Variants in PIGL observed in about 807,000 individuals in gnomAD.
PIGL encodes phosphatidylinositol glycan anchor biosynthesis class L, also known as N-acetylglucosaminyl-phosphatidylinositol de-N-acetylase.
Under a neutral mutation model 31.1 loss-of-function variants are expected in PIGL, and 22 were observed. The observed-to-expected ratio is 0.71, with a 90% confidence interval of 0.51 to 1.01. The LOEUF is 1.01. Ranked by LOEUF, PIGL falls within the 50% of genes least tolerant of loss-of-function variation. The pLI, the probability that PIGL is intolerant of heterozygous loss-of-function variation, is 0.00. For synonymous variants in PIGL, 131 were observed against 117.4 expected (o/e 1.12, Z -0.75); for missense variants, 302 against 315.9 (o/e 0.96, Z 0.33).
At chr17:16,219,602 C>T (rs1262429105) in intron 1 of PIGL, among the ~76,000 whole-genome samples, 4 of 151,110 alleles carry the variant, frequency 2.6e-5, no homozygotes, top group African/African-American at 9.7e-5. Flanking sequence ...GAGTCTCACT[C>T]TGTCACCCAG....
intron 2 of PIGL, among the ~76,000 whole-genome samples, chr17:16,256,739 C>A (rs1261625289): frequency 6.6e-6 from 1 of 151,914 alleles, no homozygotes; most frequent in African/African-American, 2.4e-5. Flanking sequence ...ATCACTCTGT[C>A]ACTGGAGTGC....
intron 6 of PIGL, among the ~76,000 whole-genome samples, chr17:16,319,404 G>T (rs1385542024): frequency 6.6e-6 from 1 of 152,022 alleles, no homozygotes; most frequent in Non-Finnish European, 1.5e-5. Flanking sequence ...TATACATGGA[G>T]CGATGCTCCC....
At chr17:16,271,584 T>C (rs1052201324) in intron 2 of PIGL, among the ~76,000 whole-genome samples, 1 of 151,542 alleles carries the variant, frequency 6.6e-6, no homozygotes. Flanking sequence ...CATGCTGGAG[T>C]GCAGTGGTGC....
intron 2 of PIGL, among the ~76,000 whole-genome samples, chr17:16,242,485 G>T (rs1449530119): frequency 6.6e-6 from 1 of 151,782 alleles, no homozygotes; most frequent in Admixed American, 6.6e-5. Context: ...TAGCTTTATT[G>T]ATTTTTTAAT....
intron 2 of PIGL, among the ~76,000 whole-genome samples, chr17:16,298,772 A>C (rs1339150918): frequency 6.6e-6 from 1 of 152,246 alleles, no homozygotes; most frequent in African/African-American, 2.4e-5. Flanking sequence ...TCACGCCTGT[A>C]ATCCCAGCAC....
At chr17:16,301,357 C>T (rs950754591) in intron 3 of PIGL, among the ~76,000 whole-genome samples, 16 of 151,676 alleles carry the variant, frequency 1.1e-4, no homozygotes, top group Non-Finnish European at 2.4e-4. Context: ...CTCCGCCTCC[C>T]GGGTTCAAGT....
intron 3 of PIGL, among the ~76,000 whole-genome samples, chr17:16,303,979 G>C (rs1284858092): frequency 1.3e-5 from 2 of 152,260 alleles, no homozygotes; most frequent in African/African-American, 4.8e-5. Flanking sequence ...CTCCCAAAGT[G>C]CTGGGATTAC....
chr17:16,232,816 A>G (rs1478514532), intron 1 of PIGL, among the ~76,000 whole-genome samples: 1 of 151,814 alleles, frequency 6.6e-6, no homozygotes, highest in Non-Finnish European at 1.5e-5. Context: ...ATACAAAACT[A>G]AACCTGTAAA....
chr17:16,299,149 G>C (rs1220462155), intron 2 of PIGL, among the ~76,000 whole-genome samples: 2 of 151,490 alleles, frequency 1.3e-5, no homozygotes, highest in Non-Finnish European at 2.9e-5. Flanking sequence ...TGGAGGTTGC[G>C]GTGAGCCGAG....
rs1174125234 is a variant in PIGL at position 16,217,433 on chromosome 17, C to CT, written c.208dup (p.Trp70LeufsTer20). ...TGCTAGGCTTGGCCCGCCTAAGGCACTGGGTGTACCTGCTTTGCTTCTCTG... is the reference window on the plus strand; with the variant it reads ...TGCTAGGCTTGGCCCGCCTAAGGCACTTGGGTGTACCTGCTTTGCTTCTCTG... On this transcript the variant is annotated frameshift_variant, in exon 1 of 7. Transcript: ENST00000225609. LOFTEE classifies it high-confidence loss of function. 1 of 1,614,046 alleles carries CT rather than the reference C, an allele frequency of 6.2e-7. No homozygotes were observed. The highest frequency in any genetic ancestry group is 1.3e-5 in the African/African-American group (1 of 74,922).
intron 2 of PIGL, among the ~76,000 whole-genome samples, chr17:16,297,937 T>C (rs1295311165): frequency 2.0e-5 from 3 of 152,180 alleles, no homozygotes; most frequent in Non-Finnish European, 1.5e-5. Flanking sequence ...AAGCAAGCAT[T>C]ACTGCCTGAG....
chr17:16,302,366 C>G (rs1394443129), intron 3 of PIGL, among the ~76,000 whole-genome samples: 5 of 152,106 alleles, frequency 3.3e-5, no homozygotes, highest in Non-Finnish European at 7.3e-5. Flanking sequence ...GGTTCTCTTA[C>G]TCCTCCTCTT....
intron 2 of PIGL, chr17:16,283,944 A>ATTG (rs1272290796): frequency 6.6e-6 from 1 of 150,902 alleles, no homozygotes; most frequent in East Asian, 1.9e-4. Flanking sequence ...TTGGGTGGCC[A>ATTG]CCAGGATATT....
rs984274612 is a variant in PIGL, at chr17:16,270,449, AAATT to A, written c.336-29429_336-29426del. ...CAATTAATTATAAATTATTAATTAT[AAATT>A]AATTAATTATAAATTAATAAAAATT... On this transcript the variant is annotated intron_variant, in intron 2 of 6. Transcript: ENST00000225609. Among the ~76,000 whole-genome samples, 16 of 151,822 alleles carry A rather than the reference AAATT, an allele frequency of 1.1e-4. No individual in the cohort carries two copies. In the East Asian group the frequency reaches 1.5e-3, roughly 15 times the overall value.
Position 16,324,338 on chromosome 17 carries a change from A to T in PIGL, c.661-1462A>T, listed in dbSNP as rs183573350. On this transcript the variant is annotated intron_variant, in intron 6 of 6. Coordinates refer to ENST00000225609, the MANE Select transcript of PIGL (RefSeq NM_004278.4). ...TTTATCTTCTATTTTATATTTATTT[A>T]TTTATTTTTTTGAGACGGAGTCTCG... 7 of 149,136 alleles carry T rather than the reference A, an allele frequency of 4.7e-5. No individual in the cohort carries two copies. In the East Asian group the frequency reaches 8.1e-4, roughly 17 times the overall value. The allele number at this position is 149,136 out of a possible 1,614,324, so 9.2% of individuals were successfully genotyped here. A position where few individuals can be genotyped will look rare whatever the true frequency, so the allele number is the denominator to read the frequency against.
intron 2 of PIGL, among the ~76,000 whole-genome samples, chr17:16,237,737 T>C (rs959390858): frequency 2.1e-5 from 3 of 143,758 alleles, no homozygotes; most frequent in African/African-American, 7.9e-5. Flanking sequence ...AGGTGGAGGC[T>C]GCAGTGAGCC....
intron 2 of PIGL, among the ~76,000 whole-genome samples, chr17:16,257,283 G>A (rs149660316): frequency 0.053 from 8,079 of 152,056 alleles, 572 homozygotes; most frequent in African/African-American, 0.16. Flanking sequence ...CAGGCCTGGC[G>A]GCGGGCGCCT....
At chr17:16,229,111 A>AGG (rs2092666947) in intron 1 of PIGL, among the ~76,000 whole-genome samples, 3 of 151,922 alleles carry the variant, frequency 2.0e-5, no homozygotes, top group Non-Finnish European at 1.5e-5. Flanking sequence ...TCTTTACAAA[A>AGG]AATAAAAATA....
chr17:16,295,175 G>A lies in PIGL; in HGVS notation c.336-4713G>A, dbSNP rs575071193. Among the ~76,000 whole-genome samples, 6 of 152,102 alleles carry A rather than the reference G, an allele frequency of 3.9e-5. No individual in the cohort carries two copies. In the East Asian group the frequency reaches 9.7e-4, roughly 25 times the overall value. On this transcript the variant is annotated intron_variant, in intron 2 of 6. Coordinates refer to ENST00000225609, the MANE Select transcript of PIGL (RefSeq NM_004278.4). ...TCCCAGCACTTTGGGAGGCTGAGGCGGGCGGATCATCTGAGGTCAGGAGTT... is the reference window on the plus strand; with the variant it reads ...TCCCAGCACTTTGGGAGGCTGAGGCAGGCGGATCATCTGAGGTCAGGAGTT...
Sources: allele counts gnomAD v4.1 joint callset (sites outside exome capture counted in the v4.1 genomes callset), GRCh38; gene constraint gnomAD v4.1.1; transcripts MANE v1.5; gene names NCBI Gene and HGNC (gene_info 2026-07-23, HGNC 2026-07-21).